Variants in MUSK observed in about 807,000 individuals in gnomAD.
MUSK encodes the protein muscle associated receptor tyrosine kinase, also known as muscle, skeletal receptor tyrosine-protein kinase.
MUSK carries 55 observed loss-of-function variants against 88.7 expected under a neutral mutation model. The ratio of observed to expected loss-of-function variants is 0.62; its 90% confidence interval spans 0.50 to 0.78. The LOEUF (loss-of-function observed/expected upper bound fraction) is 0.78, where lower values mean the gene tolerates loss of function less well. Among genes scored for constraint, MUSK ranks in the 30% least tolerant of loss-of-function variants. The pLI is 0.00. For synonymous variants in MUSK, 387 were observed against 391.9 expected (o/e 0.99, Z 0.15); for missense variants, 1,015 against 1,074.3 (o/e 0.94, Z 0.77).
chr9:110,734,154 C>T (rs1389567900), intron 5 of MUSK, 97 bp from the exon 6 acceptor site: 1 of 1,371,680 alleles, frequency 7.3e-7, no homozygotes, highest in Non-Finnish European at 9.9e-7. Context: ...AAGAACTGCA[C>T]ACAGGGGAAC....
At chr9:110,697,563 A>G in intron 5 of MUSK, 97 bp downstream of exon 5, 3 of 1,280,860 alleles carry the variant, frequency 2.3e-6, no homozygotes, top group Non-Finnish European at 3.1e-6. Flanking sequence ...AGATGTGGGC[A>G]GCCCACTTCC....
intron 5 of MUSK, among the ~76,000 whole-genome samples, chr9:110,699,705 T>C (rs2076477226): frequency 6.6e-6 from 1 of 152,102 alleles, no homozygotes; most frequent in Non-Finnish European, 1.5e-5. Context: ...TTGGCAATGA[T>C]GAGGACTGAA....
chr9:110,760,529 A>G (rs1441715167), intron 7 of MUSK, among the ~76,000 whole-genome samples: 1 of 152,098 alleles, frequency 6.6e-6, no homozygotes, highest in Non-Finnish European at 1.5e-5. Context: ...ATGGACAGAA[A>G]GAGGGGAACA....
chr9:110,754,215 G>A (rs2077283402), intron 7 of MUSK, among the ~76,000 whole-genome samples: 1 of 152,210 alleles, frequency 6.6e-6, no homozygotes, highest in African/African-American at 2.4e-5. Flanking sequence ...GCTACCAGAT[G>A]TTCTGCAGTT....
chr9:110,765,192 T>C (rs1429002368), intron 8 of MUSK, among the ~76,000 whole-genome samples: 1 of 152,192 alleles, frequency 6.6e-6, no homozygotes, highest in Non-Finnish European at 1.5e-5. Flanking sequence ...AGTTAACACA[T>C]GACAGCAAAA....
intron 2 of MUSK, 33 bp from the exon 3 acceptor site, chr9:110,687,084 C>T: frequency 1.9e-6 from 3 of 1,597,458 alleles, no homozygotes; most frequent in Non-Finnish European, 2.6e-6. Flanking sequence ...ACAGAGGAAG[C>T]ACTAATCTGT....
intron 5 of MUSK, among the ~76,000 whole-genome samples, chr9:110,719,784 T>C (rs1353302518): frequency 6.6e-6 from 1 of 152,056 alleles, no homozygotes; most frequent in Non-Finnish European, 1.5e-5. Context: ...AAATGCAGAA[T>C]ATACATTGTA....
At chr9:110,709,945 G>C (rs2076647134) in intron 5 of MUSK, among the ~76,000 whole-genome samples, 1 of 151,610 alleles carries the variant, frequency 6.6e-6, no homozygotes, top group African/African-American at 2.4e-5. Context: ...AGGAGTTCGA[G>C]GCCAGCCTGG....
intron 9 of MUSK, among the ~76,000 whole-genome samples, chr9:110,770,659 G>A (rs2077560283): frequency 1.3e-5 from 2 of 151,116 alleles, no homozygotes; most frequent in South Asian, 4.2e-4. Context: ...TTACATTACT[G>A]AGTATTCTCA....
chr9:110,780,755 A>G (rs2077739634), intron 11 of MUSK, among the ~76,000 whole-genome samples: 1 of 152,112 alleles, frequency 6.6e-6, no homozygotes, highest in Non-Finnish European at 1.5e-5. Context: ...TATTCTTTCT[A>G]TCTAGGCAGA....
chr9:110,774,518 G>A (rs756256046), intron 9 of MUSK, among the ~76,000 whole-genome samples: 4 of 152,076 alleles, frequency 2.6e-5, no homozygotes, highest in Admixed American at 6.6e-5. Flanking sequence ...CTAATGTGGA[G>A]TATGGAGTTG....
intron 8 of MUSK, among the ~76,000 whole-genome samples, chr9:110,763,161 G>A (rs2131936164): frequency 6.6e-6 from 1 of 152,248 alleles, no homozygotes; most frequent in Non-Finnish European, 1.5e-5. Flanking sequence ...CCATTTGGAT[G>A]TATATATTGC....
chr9:110,754,071 T>C (rs2077281949), intron 7 of MUSK, among the ~76,000 whole-genome samples: 1 of 152,198 alleles, frequency 6.6e-6, no homozygotes, highest in Admixed American at 6.5e-5. Flanking sequence ...AGTGTTCTTA[T>C]CAACAAAACA....
chr9:110,734,168 G>A, intron 5 of MUSK, 83 bp from the exon 6 acceptor site: 1 of 1,446,792 alleles, frequency 6.9e-7, no homozygotes, highest in Non-Finnish European at 9.4e-7. Flanking sequence ...GGGGAACATG[G>A]TCTAATTTGC....
chr9:110,692,760 A>G (rs1203249194), intron 3 of MUSK, among the ~76,000 whole-genome samples: 1 of 152,088 alleles, frequency 6.6e-6, no homozygotes, highest in East Asian at 1.9e-4. Flanking sequence ...CACTTGTATG[A>G]TACAATATTC....
At chr9:110,762,833 C>T (rs554707482) in intron 8 of MUSK, among the ~76,000 whole-genome samples, 57 of 152,262 alleles carry the variant, frequency 3.7e-4, no homozygotes, top group African/African-American at 1.3e-3. Context: ...ACATAGCCTA[C>T]GTTTAAAAAC....
chr9:110,797,146 T>A (rs766454921), intron 14 of MUSK, among the ~76,000 whole-genome samples: 1,192 of 17,244 alleles, frequency 0.069, 2 homozygotes, highest in Non-Finnish European at 0.09. Context: ...AAATAAAAAA[T>A]AAATGCATGA....
chr9:110,683,846 A>G (rs1169123297), intron 2 of MUSK, among the ~76,000 whole-genome samples: 1 of 152,074 alleles, frequency 6.6e-6, no homozygotes, highest in Non-Finnish European at 1.5e-5. Context: ...TTTACTATAG[A>G]GTTGTTTGAG....
intron 5 of MUSK, among the ~76,000 whole-genome samples, chr9:110,722,615 C>T (rs933960900): frequency 6.6e-6 from 1 of 151,692 alleles, no homozygotes; most frequent in Non-Finnish European, 1.5e-5. Context: ...TAACAGACAA[C>T]CCCCAGAGTG....
Sources: gnomAD v4.1 joint callset for allele counts (sites outside exome capture counted in the v4.1 genomes callset) on GRCh38, gnomAD v4.1.1 for gene constraint, MANE v1.5 for transcripts, NCBI Gene and HGNC (gene_info 2026-07-23, HGNC 2026-07-21) for gene names.